Variants in KCNJ6 observed in about 807,000 individuals in gnomAD.
KCNJ6 encodes the protein potassium inwardly rectifying channel subfamily J member 6, also known as G protein-activated inward rectifier potassium channel 2.
Under a neutral mutation model 34.2 loss-of-function variants are expected in KCNJ6, and 9 were observed. The observed-to-expected ratio is 0.26, with a 90% CI of 0.16 to 0.46. KCNJ6 has a LOEUF of 0.46. Ranked by LOEUF, KCNJ6 falls within the 20% of genes least tolerant of loss-of-function variation. The probability of loss-of-function intolerance (pLI) is 1.00; values close to 1 mark genes in which losing one functional copy is unlikely to be tolerated. For missense variants in KCNJ6, 236 were observed against 531.3 expected (o/e 0.44, Z 5.46); for synonymous variants, 196 against 207.1 (o/e 0.95, Z 0.46).
intron 3 of KCNJ6, among the ~76,000 whole-genome samples, chr21:37,698,798 A>T (rs971477906): frequency 3.3e-5 from 5 of 152,040 alleles, no homozygotes; most frequent in African/African-American, 1.2e-4. Context: ...CAGGGTTCAA[A>T]TGATTCTCAT....
intron 3 of KCNJ6, among the ~76,000 whole-genome samples, chr21:37,630,018 C>T (rs1164907685): frequency 1.3e-5 from 2 of 152,060 alleles, no homozygotes; most frequent in Non-Finnish European, 1.5e-5. Context: ...TACGTATTGA[C>T]TTAGGTCCCA....
At chr21:37,764,712 A>G (rs1211108901) in intron 2 of KCNJ6, among the ~76,000 whole-genome samples, 2 of 152,206 alleles carry the variant, frequency 1.3e-5, no homozygotes, top group Admixed American at 1.3e-4. Flanking sequence ...TTCCAAAATG[A>G]GTTTCCAGGC....
At chr21:37,810,378 C>A (rs1423400673) in intron 2 of KCNJ6, among the ~76,000 whole-genome samples, 1 of 152,178 alleles carries the variant, frequency 6.6e-6, no homozygotes, top group African/African-American at 2.4e-5. Flanking sequence ...CTTGGTGCAA[C>A]TGGTCAATTA....
chr21:37,910,830 T>G (rs1040953046), intron 1 of KCNJ6, among the ~76,000 whole-genome samples: 1 of 152,220 alleles, frequency 6.6e-6, no homozygotes, highest in African/African-American at 2.4e-5. Context: ...ACATTGTAAT[T>G]GGGAAAATTG....
intron 2 of KCNJ6, among the ~76,000 whole-genome samples, chr21:37,772,404 C>T (rs1412471486): frequency 6.6e-6 from 1 of 152,032 alleles, no homozygotes; most frequent in East Asian, 1.9e-4. Flanking sequence ...AGAAATTTAA[C>T]CATTTGCAGA....
At chr21:37,899,959 A>C (rs1354033670) in intron 1 of KCNJ6, among the ~76,000 whole-genome samples, 1 of 152,218 alleles carries the variant, frequency 6.6e-6, no homozygotes, top group African/African-American at 2.4e-5. Context: ...CAGGTTGGGC[A>C]CAGGTTCTGG....
chr21:37,772,714 C>A (rs982002654), intron 2 of KCNJ6, among the ~76,000 whole-genome samples: 1 of 152,128 alleles, frequency 6.6e-6, no homozygotes. Flanking sequence ...TGAGGTAGTT[C>A]ATTTGGCTTT....
intron 1 of KCNJ6, among the ~76,000 whole-genome samples, chr21:37,888,576 T>C (rs774363908): frequency 2.0e-5 from 3 of 152,184 alleles, no homozygotes; most frequent in Non-Finnish European, 4.4e-5. Context: ...ATAAGAATCC[T>C]ACCATGGGGA....
chr21:37,791,147 T>C (rs1212132083), intron 2 of KCNJ6, among the ~76,000 whole-genome samples: 1 of 152,228 alleles, frequency 6.6e-6, no homozygotes, highest in Non-Finnish European at 1.5e-5. Flanking sequence ...GGACCAGGCA[T>C]GAGGTCATGG....
intron 2 of KCNJ6, among the ~76,000 whole-genome samples, chr21:37,816,247 A>G (rs574543403): frequency 1.4e-3 from 208 of 152,298 alleles, no homozygotes; most frequent in African/African-American, 4.8e-3. Context: ...GGGACCAAGC[A>G]TAGGTAAGGG....
intron 1 of KCNJ6, among the ~76,000 whole-genome samples, chr21:37,858,131 C>T (rs1369511339): frequency 6.6e-6 from 1 of 151,996 alleles, no homozygotes; most frequent in Non-Finnish European, 1.5e-5. Context: ...GTGGCTCACG[C>T]CTGTAATCTC....
chr21:37,853,853 T>TATATATATAC (rs58043642), intron 1 of KCNJ6, among the ~76,000 whole-genome samples: 11 of 142,292 alleles, frequency 7.7e-5, no homozygotes, highest in Non-Finnish European at 1.4e-4. Context: ...TATGTATATA[T>TATATATATAC]ATATATATAA....
At chr21:37,740,699 T>A (rs1353068143) in intron 2 of KCNJ6, among the ~76,000 whole-genome samples, 1 of 152,196 alleles carries the variant, frequency 6.6e-6, no homozygotes, top group Non-Finnish European at 1.5e-5. Context: ...CTTCAAATAT[T>A]TTACAGAGTT....
At chr21:37,809,808 G>A (rs909874482) in intron 2 of KCNJ6, among the ~76,000 whole-genome samples, 6 of 152,102 alleles carry the variant, frequency 3.9e-5, no homozygotes, top group African/African-American at 1.2e-4. Context: ...CCTTCCTTGC[G>A]ATACTGCATA....
chr21:37,672,473 C>T (rs748427296), intron 3 of KCNJ6, among the ~76,000 whole-genome samples: 8 of 151,948 alleles, frequency 5.3e-5, no homozygotes, highest in Admixed American at 1.3e-4. Context: ...CCGGCAGCAT[C>T]GGAAGTCCTC....
At chr21:37,683,928 A>G (rs1399353355) in intron 3 of KCNJ6, among the ~76,000 whole-genome samples, 2 of 152,146 alleles carry the variant, frequency 1.3e-5, no homozygotes, top group African/African-American at 2.4e-5. Context: ...AATCTTTCTG[A>G]TGGTCTGAGA....
chr21:37,873,526 C>T (rs767774634), intron 1 of KCNJ6, among the ~76,000 whole-genome samples: 6 of 152,200 alleles, frequency 3.9e-5, no homozygotes, highest in Admixed American at 6.5e-5. Context: ...ACACACCAAC[C>T]ACAACTAGCT....
chr21:37,830,700 G>A (rs966987182), intron 2 of KCNJ6, among the ~76,000 whole-genome samples: 4 of 152,156 alleles, frequency 2.6e-5, no homozygotes, highest in African/African-American at 9.7e-5. Flanking sequence ...AAGGTGAGGG[G>A]CAACGTGATC....
At chr21:37,841,093 T>G (rs2123578712) in intron 1 of KCNJ6, among the ~76,000 whole-genome samples, 1 of 152,316 alleles carries the variant, frequency 6.6e-6, no homozygotes, top group East Asian at 1.9e-4. Context: ...TTGATATTTT[T>G]GTAGTCATTT....
Sources: allele counts gnomAD v4.1 joint callset (sites outside exome capture counted in the v4.1 genomes callset), GRCh38; gene constraint gnomAD v4.1.1; transcripts MANE v1.5; gene names NCBI Gene and HGNC (gene_info 2026-07-23, HGNC 2026-07-21).